Variants in ADGRV1 observed in about 807,000 individuals in gnomAD.
The protein encoded by ADGRV1 is G-protein coupled receptor 98.
ADGRV1 carries 359 observed loss-of-function variants against 596.2 expected under a neutral mutation model. That is an observed-to-expected ratio of 0.60 (90% CI 0.55 to 0.66). The LOEUF (loss-of-function observed/expected upper bound fraction) is 0.66, where lower values mean the gene tolerates loss of function less well. ADGRV1 is among the 30% of genes least tolerant of loss of function. ADGRV1 has a pLI of 0.00. For synonymous variants in ADGRV1, 2,681 were observed against 2,679.2 expected (o/e 1.00, Z -0.02); for missense variants, 7,274 against 7,575.6 (o/e 0.96, Z 1.48).
At position 90,756,503 on chromosome 5, in the gene ADGRV1, T is replaced by C. The variant is rs770097680; in HGVS notation, c.11630T>C (p.Val3877Ala). The C allele has an allele frequency of 6.2e-7, 1 of 1,605,550 alleles. No individual in the cohort carries two copies. ...EEGFIVTITE[V>A]NLVNSDFSTG... Reference sequence around the variant, plus strand: ...GGATTTATTGTCACTATCACTGAGGTGAACCTGGTGAACTCTGACTTCTCT... The same window carrying C: ...GGATTTATTGTCACTATCACTGAGGCGAACCTGGTGAACTCTGACTTCTCT... The change falls in exon 56 of 90, where the codon GTG becomes GCG. Residue 3877 changes from valine to alanine, a missense_variant. Transcript: ENST00000405460.
intron 84 of ADGRV1, among the ~76,000 whole-genome samples, chr5:90,967,655 G>A (rs1778595480): frequency 1.3e-5 from 2 of 152,142 alleles, no homozygotes; most frequent in Non-Finnish European, 1.5e-5. Flanking sequence ...TATCAGATAT[G>A]TACGTGGTAC....
chr5:91,163,876 A>G lies in ADGRV1; in HGVS notation c.18897A>G (p.Ile6299Met), dbSNP rs776970132. 10 of 1,587,734 alleles carry G rather than the reference A, an allele frequency of 6.3e-6. No homozygotes were observed. The highest frequency in any genetic ancestry group is 8.6e-6 in the Non-Finnish European group (10 of 1,158,272). Residue 6299 changes from isoleucine to methionine, a missense_variant, in exon 90 of 90, where the codon ATA becomes ATG. Around this residue, in one of 5 missense-constraint regions of ADGRV1, gnomAD observed 1,874 missense variants for 1,970.2 expected, o/e 0.95. Coordinates refer to ENST00000405460, the MANE Select transcript of ADGRV1 (RefSeq NM_032119.4). The stretch of plus-strand genomic sequence containing the variant: ...CCCAGATCGTGGAGCTCAGGAGGAT[A>G]CCCATCGCCGACACTCACCTGTAGC... ...TDSQIVELRR[I>M]PIADTHL
At chr5:90,993,378 C>T (rs535608026) in intron 85 of ADGRV1, among the ~76,000 whole-genome samples, 25 of 151,876 alleles carry the variant, frequency 1.6e-4, no homozygotes, top group African/African-American at 5.3e-4. Flanking sequence ...AGGCTGGTCT[C>T]GAACTCCTGA....
chr5:90,721,830 G>A (rs1270832366), intron 45 of ADGRV1, among the ~76,000 whole-genome samples: 1 of 152,000 alleles, frequency 6.6e-6, no homozygotes, highest in Non-Finnish European at 1.5e-5. Flanking sequence ...GCAAAGGACT[G>A]GGTTGGAAGA....
At position 90,803,569 on chromosome 5, in the gene ADGRV1, G is replaced by A. The variant is rs1043042786; in HGVS notation, c.14661+687G>A. Among the ~76,000 whole-genome samples the A allele has an allele frequency of 3.7e-4, 57 of 152,262 alleles. 1 individual carries two copies. The highest frequency in any genetic ancestry group is 1.4e-3 in the Admixed American group (22 of 15,284). ...GGCTCAAGATGCTGAGGTGGAATCT[G>A]TACAGATGAATGGGCAGGAATATGG... On this transcript the variant is annotated intron_variant, in intron 71 of 89. Coordinates refer to ENST00000405460, the MANE Select transcript of ADGRV1 (RefSeq NM_032119.4).
intron 83 of ADGRV1, among the ~76,000 whole-genome samples, chr5:90,919,473 C>A (rs996970312): frequency 5.4e-4 from 82 of 152,066 alleles, no homozygotes; most frequent in Admixed American, 1.6e-3. Flanking sequence ...TTTTCTGGGT[C>A]TTATAGTGAT....
chr5:90,756,316 A>G, intron 55 of ADGRV1, 138 bp from the exon 56 acceptor site: 1 of 549,556 alleles, frequency 1.8e-6, no homozygotes, highest in Non-Finnish European at 3.1e-6. Context: ...TATAACAAGA[A>G]TCTTTTTTAT....
chr5:90,759,685 G>A (rs1188323547), intron 58 of ADGRV1, 97 bp downstream of exon 58: 4 of 1,093,878 alleles, frequency 3.7e-6, no homozygotes, highest in East Asian at 5.1e-5. Context: ...GGAAGTCTTG[G>A]CCAGGCATGG....
chr5:90,868,387 A>AT (rs1329580620), intron 83 of ADGRV1, among the ~76,000 whole-genome samples: 2 of 151,630 alleles, frequency 1.3e-5, no homozygotes, highest in Admixed American at 6.6e-5. Flanking sequence ...TGTCCTTCTG[A>AT]TTTTTTTTAT....
At chr5:90,987,567 T>G (rs1460854862) in intron 85 of ADGRV1, among the ~76,000 whole-genome samples, 1 of 151,992 alleles carries the variant, frequency 6.6e-6, no homozygotes, top group Non-Finnish European at 1.5e-5. Flanking sequence ...TCCTAAGTCA[T>G]TCCCATACGA....
Position 91,035,861 on chromosome 5 carries a change from T to TATATAATATATATATATATATA in ADGRV1, c.18153-36586_18153-36585insATATAATATATATATATATATA. Reference sequence around the variant, plus strand: ...ATGAGTGTGTATATATATATATATATTATATATATATATATATATATCTTA... The same window carrying TATATAATATATATATATATATA: ...ATGAGTGTGTATATATATATATATATATATAATATATATATATATATATATATATATATATATATATATCTTA... On this transcript the variant is annotated intron_variant, in intron 85 of 89. Coordinates refer to ENST00000405460, the MANE Select transcript of ADGRV1 (RefSeq NM_032119.4). Among the ~76,000 whole-genome samples, 847 of 96,236 alleles carry TATATAATATATATATATATATA rather than the reference T, an allele frequency of 8.8e-3. 22 individuals carry two copies. Among genetic ancestry groups the TATATAATATATATATATATATA allele is most frequent in the Non-Finnish European group, 0.014 (630 of 45,976 alleles). 63.1% of individuals were successfully genotyped at this position (96,236 alleles called of 152,430 possible). A position where few individuals can be genotyped will look rare whatever the true frequency, so the allele number is the denominator to read the frequency against.
At chr5:90,811,530 A>G (rs1381946049) in intron 74 of ADGRV1, among the ~76,000 whole-genome samples, 192 bp downstream of exon 74, 1 of 152,164 alleles carries the variant, frequency 6.6e-6, no homozygotes, top group African/African-American at 2.4e-5. Context: ...AGGGCCCTAT[A>G]ATTTAATGTA....
intron 67 of ADGRV1, among the ~76,000 whole-genome samples, chr5:90,785,013 C>A (rs1009414930): frequency 2.6e-5 from 4 of 152,154 alleles, no homozygotes; most frequent in African/African-American, 9.7e-5. Flanking sequence ...TACCTGACTT[C>A]AAACTGTACT....
At chr5:90,674,394 A>G (rs1375313823) in intron 23 of ADGRV1, 160 bp downstream of exon 23, 1 of 435,702 alleles carries the variant, frequency 2.3e-6, no homozygotes, top group South Asian at 9.4e-5. Context: ...TTTGAGAGAC[A>G]TTGTTTATGA....
intron 42 of ADGRV1, among the ~76,000 whole-genome samples, chr5:90,713,091 A>C (rs1389012941): frequency 6.6e-6 from 1 of 152,156 alleles, no homozygotes; most frequent in East Asian, 1.9e-4. Context: ...ATGATAGACA[A>C]GCCAAATGAA....
rs372262361 is a variant in ADGRV1 at position 90,647,608 on chromosome 5, G to A, written c.3133G>A (p.Ala1045Thr). ...MVQYATKDGK[A>T]TARERDFIPV... The stretch of plus-strand genomic sequence containing the variant: ...CCAGTATGCTACCAAGGATGGGAAG[G>A]CTACTGCAAGAGAGAGAGATTTCAT... The change falls in exon 17 of 90, where the codon GCT (alanine) becomes ACT (threonine). Residue 1045 changes from alanine to threonine, a missense_variant. Ala to Thr is a moderately conservative substitution (Grantham distance 58). Transcript: ENST00000405460. 1.2e-6 allele frequency: 2 copies of A among 1,613,962 alleles called. No homozygotes were observed. The highest frequency in any genetic ancestry group is 1.7e-6 in the Non-Finnish European group (2 of 1,179,880).
At chr5:90,576,834 G>C (rs1003837534) in intron 1 of ADGRV1, among the ~76,000 whole-genome samples, 8 of 152,176 alleles carry the variant, frequency 5.3e-5, no homozygotes, top group African/African-American at 1.7e-4. Context: ...GTATCTCATT[G>C]TGGTTTTGAT....
At chr5:90,930,494 A>G (rs1775137559) in intron 83 of ADGRV1, among the ~76,000 whole-genome samples, 1 of 152,190 alleles carries the variant, frequency 6.6e-6, no homozygotes, top group Non-Finnish European at 1.5e-5. Context: ...GACTTTTATA[A>G]CTTGGTATTC....
chr5:90,728,091 G>T (rs1221408929), intron 48 of ADGRV1, among the ~76,000 whole-genome samples: 2 of 152,190 alleles, frequency 1.3e-5, no homozygotes, highest in South Asian at 2.1e-4. Flanking sequence ...TGGCTCAAAA[G>T]TTCCTAATTG....
Sources: gnomAD v4.1 joint callset for allele counts (sites outside exome capture counted in the v4.1 genomes callset) on GRCh38, gnomAD v4.1.1 for gene constraint, gnomAD v4.1.1 regional missense constraint, MANE v1.5 for transcripts, NCBI Gene and HGNC (gene_info 2026-07-23, HGNC 2026-07-21) for gene names.